The following PIEZO2 variants were observed in gnomAD, a reference collection of about 807,000 sequenced individuals.
PIEZO2 encodes piezo type mechanosensitive ion channel component 2, also known as piezo-type mechanosensitive ion channel component 2.
In PIEZO2, 172 loss-of-function variants were observed where a neutral mutation model predicts 337.3. The ratio of observed to expected loss-of-function variants is 0.51; its 90% CI spans 0.45 to 0.58. The LOEUF is 0.58. PIEZO2 is among the 20% of genes least tolerant of loss of function. The pLI, the probability that PIEZO2 is intolerant of heterozygous loss-of-function variation, is 0.00. For synonymous variants in PIEZO2, 1,251 were observed against 1,228.5 expected (o/e 1.02, Z -0.38); for missense variants, 3,028 against 3,391.3 (o/e 0.89, Z 2.66).
At chr18:11,067,863 A>G (rs548471752) in intron 1 of PIEZO2, among the ~76,000 whole-genome samples, 1 of 152,348 alleles carries the variant, frequency 6.6e-6, no homozygotes, top group South Asian at 2.1e-4. Flanking sequence ...GACCAAATGA[A>G]TCTAACAGAC....
At chr18:10,751,729 C>G (rs933289062) in intron 28 of PIEZO2, among the ~76,000 whole-genome samples, 1 of 152,192 alleles carries the variant, frequency 6.6e-6, no homozygotes, top group African/African-American at 2.4e-5. Flanking sequence ...CAGTTACAGC[C>G]TGGGAGACTG....
At chr18:11,039,157 T>C (rs1413060724) in intron 2 of PIEZO2, among the ~76,000 whole-genome samples, 3 of 152,156 alleles carry the variant, frequency 2.0e-5, no homozygotes, top group Admixed American at 6.6e-5. Flanking sequence ...AAGTAATACA[T>C]AGAAATTCAT....
intron 2 of PIEZO2, among the ~76,000 whole-genome samples, chr18:11,004,602 A>T (rs1460258234): frequency 6.6e-6 from 1 of 152,234 alleles, no homozygotes; most frequent in Non-Finnish European, 1.5e-5. Context: ...TAAACCAATA[A>T]TATACAAGAA....
chr18:10,831,178 T>C (rs1176028446), intron 7 of PIEZO2, among the ~76,000 whole-genome samples: 1 of 152,128 alleles, frequency 6.6e-6, no homozygotes, highest in African/African-American at 2.4e-5. Context: ...CTCCTAGGTA[T>C]ATATCCAGAA....
chr18:10,710,173 G>A (rs932915387), intron 39 of PIEZO2, among the ~76,000 whole-genome samples: 6 of 152,336 alleles, frequency 3.9e-5, no homozygotes, highest in Non-Finnish European at 8.8e-5. Flanking sequence ...GGAACCGATG[G>A]TTCTAATTCA....
rs899624327 is a variant in PIEZO2, at chr18:10,853,944, A to T, written c.917+1409T>A. On this transcript the variant is annotated intron_variant, in intron 7 of 55. Coordinates refer to ENST00000674853, the MANE Select transcript of PIEZO2 (RefSeq NM_001378183.1). This position sits in a 1 kb window ranked among gnomAD's most constrained non-coding sequence, Gnocchi z 4.2. Reference sequence around the variant, plus strand: ...AATTTAACCCCAAAAAAGTTTTAAGAATTTGTTGTTGAACCAGGATCTGAT... The same window carrying T: ...AATTTAACCCCAAAAAAGTTTTAAGTATTTGTTGTTGAACCAGGATCTGAT... Among the ~76,000 whole-genome samples the T allele has an allele frequency of 6.6e-6, 1 of 152,204 alleles. No individual in the cohort carries two copies.
rs529403699 is a variant in PIEZO2, at chr18:10,830,709, C to T, written c.918-23435G>A. Among the ~76,000 whole-genome samples the T allele has an allele frequency of 3.3e-5, 5 of 152,024 alleles. No individual in the cohort carries two copies. Among genetic ancestry groups the T allele is most frequent in the African/African-American group, 9.6e-5 (4 of 41,470 alleles). On this transcript the variant is annotated intron_variant, in intron 7 of 55. Transcript: ENST00000674853. The surrounding 1 kb of genome is among the most constrained non-coding windows in gnomAD (Gnocchi z 4.7). ...CACATCAGATTGAAACGCTTCTGAA[C>T]GGCAAAGGAAACAATTAGCAAAGTA... is the stretch of plus-strand genomic sequence containing the variant.
At chr18:10,756,391 G>T (rs2037849783) in intron 27 of PIEZO2, among the ~76,000 whole-genome samples, 1 of 150,162 alleles carries the variant, frequency 6.7e-6, no homozygotes, top group African/African-American at 2.5e-5. Context: ...AAGGATGAAA[G>T]ATGAGGAGGA....
chr18:11,005,943 T>C (rs1479022661), intron 2 of PIEZO2, among the ~76,000 whole-genome samples: 1 of 152,226 alleles, frequency 6.6e-6, no homozygotes, highest in Non-Finnish European at 1.5e-5. Flanking sequence ...TCCATCACAT[T>C]TTAGGAAACA....
chr18:11,075,874 T>C (rs927272160), intron 1 of PIEZO2, among the ~76,000 whole-genome samples: 12 of 150,528 alleles, frequency 8.0e-5, no homozygotes, highest in East Asian at 5.9e-4. Flanking sequence ...CTGCAAGCTC[T>C]GCCTCCCAGG....
intron 14 of PIEZO2, among the ~76,000 whole-genome samples, chr18:10,790,194 C>T (rs1052467460): frequency 2.0e-5 from 3 of 152,114 alleles, no homozygotes; most frequent in African/African-American, 7.2e-5. Context: ...ATCTTATAGA[C>T]AGACTTTTGT....
Position 10,672,933 on chromosome 18 carries a change from C to A in PIEZO2, c.8162-60G>T, listed in dbSNP as rs1371072356. 1 of 1,404,328 alleles carries A rather than the reference C, an allele frequency of 7.1e-7. No homozygotes were observed. The allele number at this position is 1,404,328 out of a possible 1,614,324, so 87.0% of individuals were successfully genotyped here. A position where few individuals can be genotyped will look rare whatever the true frequency, so the allele number is the denominator to read the frequency against. On this transcript the variant is annotated intron_variant, in intron 54 of 55. Transcript: ENST00000674853. This position sits in a 1 kb window ranked among gnomAD's most constrained non-coding sequence, Gnocchi z 4.7. ...GAGAATTTTAGGATTTCATGCACAG[C>A]AACAGTTTTCAGATGGCAAAATCTG...
chr18:10,697,973 G>A (rs368179198), intron 44 of PIEZO2, 93 bp from the exon 45 acceptor site: 1 of 1,028,368 alleles, frequency 9.7e-7, no homozygotes, highest in South Asian at 1.5e-5. Flanking sequence ...CCACATGGTG[G>A]AGGGATAGCT....
chr18:10,760,052 C>A (rs1476668978), intron 24 of PIEZO2, 143 bp from the exon 25 acceptor site: 2 of 725,846 alleles, frequency 2.8e-6, no homozygotes, highest in Non-Finnish European at 2.3e-6. Context: ...AATGCTTGCT[C>A]TTTTGAGTGT....
chr18:11,017,534 C>T (rs1002388731), intron 2 of PIEZO2, among the ~76,000 whole-genome samples: 4 of 148,868 alleles, frequency 2.7e-5, no homozygotes, highest in Non-Finnish European at 5.9e-5. Context: ...ATAATATGTG[C>T]AGGTAATATC....
At chr18:11,136,736 C>T (rs530253017) in intron 1 of PIEZO2, among the ~76,000 whole-genome samples, 1 of 152,046 alleles carries the variant, frequency 6.6e-6, no homozygotes, top group African/African-American at 2.4e-5. Context: ...CGTAGGGAGC[C>T]CCAGTGTGAG....
intron 55 of PIEZO2, among the ~76,000 whole-genome samples, chr18:10,671,996 C>A (rs957755047): frequency 4.6e-5 from 7 of 152,072 alleles, no homozygotes; most frequent in Non-Finnish European, 7.4e-5. Context: ...AACTGTTAGA[C>A]TTGAAAAATG....
intron 2 of PIEZO2, among the ~76,000 whole-genome samples, chr18:10,986,657 A>T (rs1052841327): frequency 6.6e-6 from 1 of 152,050 alleles, no homozygotes; most frequent in African/African-American, 2.4e-5. Flanking sequence ...TTCCTCTAAC[A>T]TCAGGAACAG....
chr18:11,109,518 C>T lies in PIEZO2; in HGVS notation c.64+39007G>A, dbSNP rs1299992338. 3.3e-5 allele frequency among the ~76,000 whole-genome samples: 5 copies of T among 151,604 alleles called. No individual in the cohort carries two copies. Among genetic ancestry groups the T allele is most frequent in the Non-Finnish European group, 2.9e-5 (2 of 67,934 alleles). On this transcript the variant is annotated intron_variant, in intron 1 of 55. Transcript: ENST00000674853. This position sits in a 1 kb window ranked among gnomAD's most constrained non-coding sequence, Gnocchi z 5.1. ...ATCACTTGAGGTCAGGGGTTTGAGA[C>T]GACCCTGGCCAAGATGGCGAAACCC... is the stretch of plus-strand genomic sequence containing the variant.
Sources: gnomAD v4.1 joint callset for allele counts (sites outside exome capture counted in the v4.1 genomes callset) on GRCh38, gnomAD v4.1.1 for gene constraint, Gnocchi (gnomAD v3.1) non-coding constraint, MANE v1.5 for transcripts, NCBI Gene and HGNC (gene_info 2026-07-23, HGNC 2026-07-21) for gene names.